CPAMD8: variants seen among roughly 807,000 people sequenced by gnomAD.
CPAMD8 encodes the protein C3 and PZP like alpha-2-macroglobulin domain containing 8, also known as C3 and PZP-like alpha-2-macroglobulin domain-containing protein 8.
In CPAMD8, 146 loss-of-function variants were observed where a neutral mutation model predicts 224.7. The ratio of observed to expected loss-of-function variants is 0.65; its 90% CI spans 0.57 to 0.75. CPAMD8 has a LOEUF of 0.75. Ranked by LOEUF, CPAMD8 falls within the 30% of genes least tolerant of loss-of-function variation. The pLI is 0.00. For synonymous variants in CPAMD8, 966 were observed against 1,044.6 expected (o/e 0.92, Z 1.45); for missense variants, 2,301 against 2,537.5 (o/e 0.91, Z 2.00).
Position 17,022,101 on chromosome 19 carries a change from C to T in CPAMD8, c.173G>A (p.Arg58Lys), listed in dbSNP as rs147345591. 20 of 1,605,648 alleles carry T rather than the reference C, an allele frequency of 1.2e-5. No individual in the cohort carries two copies. In the South Asian group the frequency reaches 2.1e-4, roughly 17 times the overall value. ...VISVTIFNSP[R>K]EVTVQAQLVA... is the part of the protein sequence containing the mutation. ...CAGCTGAGCCTGGACCGTGACTTCC[C>T]TTGGAGAGTTAAAGATGGTCACGCT... The change falls in exon 2 of 42, where the codon AGG (arginine) becomes AAG (lysine). Residue 58 changes from arginine (R) to lysine (K), a missense_variant. Physicochemically the swap from Arg to Lys is conservative, Grantham distance 26 (BLOSUM62 2). This residue lies in a region of CPAMD8 where 283 missense variants were observed against 340.6 expected (regional missense o/e 0.83). Transcript: ENST00000443236.
chr19:16,931,650 A>C, intron 23 of CPAMD8, among the ~76,000 whole-genome samples: 1 of 152,124 alleles, frequency 6.6e-6, no homozygotes, highest in Non-Finnish European at 1.5e-5. Flanking sequence ...TGGACCCACT[A>C]ACACTGGTAC....
chr19:16,996,691 T>C (rs2056133624), intron 11 of CPAMD8, among the ~76,000 whole-genome samples: 1 of 151,902 alleles, frequency 6.6e-6, no homozygotes, highest in African/African-American at 2.4e-5. Flanking sequence ...TGGTAGTATG[T>C]TCCTGTAATC....
chr19:16,951,464 T>A (rs1289754513), intron 20 of CPAMD8, among the ~76,000 whole-genome samples: 1 of 152,200 alleles, frequency 6.6e-6, no homozygotes, highest in Admixed American at 6.5e-5. Context: ...AACACAGCCA[T>A]ATCTATTCAG....
chr19:16,907,203 G>A (rs1478230786), intron 29 of CPAMD8, 86 bp from the exon 30 acceptor site: 52 of 1,420,022 alleles, frequency 3.7e-5, no homozygotes, highest in Non-Finnish European at 4.3e-5. Flanking sequence ...CATCCCCGAG[G>A]AGAGCTCTGG....
rs2054037961 is a variant in CPAMD8, at chr19:16,945,460, C to A, written c.2793+89G>T. 6.5e-6 allele frequency: 10 copies of A among 1,539,592 alleles called. 1 individual carries two copies. Among genetic ancestry groups the A allele is most frequent in the Middle Eastern group, 3.5e-4 (2 of 5,718 alleles). ...GAAGGCTGCCCAGGCCCTGGCTCAG[C>A]CTCAGACCACACACTCCAGCTGGGC... On this transcript the variant is annotated intron_variant, in intron 22 of 41. Transcript: ENST00000443236.
At chr19:16,901,122 G>T in intron 36 of CPAMD8, 88 bp downstream of exon 36, 1 of 807,698 alleles carries the variant, frequency 1.2e-6, no homozygotes, top group South Asian at 1.6e-5. Context: ...CAAAGGTCTG[G>T]ACTGCCAGCC....
intron 23 of CPAMD8, among the ~76,000 whole-genome samples, chr19:16,930,286 T>A (rs1337452981): frequency 1.3e-5 from 2 of 150,384 alleles, no homozygotes; most frequent in Admixed American, 6.6e-5. Flanking sequence ...AGAACACAAC[T>A]GGAAAACTCA....
rs892712646 is a variant in CPAMD8, at chr19:16,976,574, G to C, written c.1759-423C>G. ...ATGCACCCCCTGCCCACCAAGGAGA[G>C]TGGGTCTTTGCCAGCTCAGCTGGGA... On this transcript the variant is annotated intron_variant, in intron 15 of 41. Coordinates refer to ENST00000443236, the MANE Select transcript of CPAMD8 (RefSeq NM_015692.5). Among the ~76,000 whole-genome samples, 6 of 152,052 alleles carry C rather than the reference G, an allele frequency of 3.9e-5. No homozygotes were observed. The East Asian group carries it at 5.8e-4, about 15-fold the overall frequency.
chr19:16,952,795 A>G (rs2054339163), intron 19 of CPAMD8, among the ~76,000 whole-genome samples: 1 of 152,218 alleles, frequency 6.6e-6, no homozygotes, highest in South Asian at 2.1e-4. Flanking sequence ...AAACTACCCA[A>G]AGTGATCTAT....
At chr19:17,023,857 C>G (rs897799137) in intron 1 of CPAMD8, among the ~76,000 whole-genome samples, 6 of 152,186 alleles carry the variant, frequency 3.9e-5, no homozygotes, top group African/African-American at 1.4e-4. Context: ...GCTGGGATTA[C>G]AGGCCCACTG....
intron 15 of CPAMD8, among the ~76,000 whole-genome samples, chr19:16,977,043 A>AAAT (rs375274619): frequency 3.3e-5 from 5 of 151,990 alleles, no homozygotes; most frequent in Admixed American, 1.3e-4. Context: ...CTCCGTCTCA[A>AAAT]AATAATAATA....
rs372159148 is a variant in CPAMD8, at chr19:16,902,695, C to T, written c.4639G>A (p.Asp1547Asn). ...ACCTTGTATTCCTGGTGATGCTGAT[C>T]GGCCGCTGGGTCATCATCGTCAGCT... ...PPADDDDPAADQHHQEYKVML... is the reference protein window; with the variant it reads ...PPADDDDPAANQHHQEYKVML... Residue 1547 changes from aspartate (D) to asparagine (N), a missense_variant, in exon 35 of 42, where the codon GAT becomes AAT. Physicochemically the swap from Asp to Asn is conservative, Grantham distance 23. Transcript: ENST00000443236. The T allele has an allele frequency of 2.8e-5, 45 of 1,606,058 alleles. 2 individuals carry two copies. The highest frequency in any genetic ancestry group is 4.1e-4 in the Middle Eastern group (2 of 4,926).
intron 20 of CPAMD8, among the ~76,000 whole-genome samples, chr19:16,949,303 C>T (rs1025703443): frequency 6.6e-6 from 1 of 152,138 alleles, no homozygotes; most frequent in African/African-American, 2.4e-5. Flanking sequence ...CAGAGCCAAG[C>T]CGGACATCTG....
chr19:17,008,692 T>G (rs780091446), intron 6 of CPAMD8, 133 bp from the exon 7 acceptor site: 1 of 1,010,294 alleles, frequency 9.9e-7, no homozygotes, highest in Non-Finnish European at 1.6e-6. Flanking sequence ...GATTAATCAT[T>G]AACCCCGGGG....
chr19:16,995,458 G>T (rs1011208819), intron 11 of CPAMD8, among the ~76,000 whole-genome samples: 1 of 152,204 alleles, frequency 6.6e-6, no homozygotes, highest in Non-Finnish European at 1.5e-5. Flanking sequence ...CTGGAGTGCA[G>T]TGGTGTGATC....
At chr19:16,929,339 G>T in intron 23 of CPAMD8, 99 bp from the exon 24 acceptor site, 1 of 938,948 alleles carries the variant, frequency 1.1e-6, no homozygotes, top group Non-Finnish European at 1.6e-6. Flanking sequence ...CACAAGGAGT[G>T]GGTCTCACTG....
intron 27 of CPAMD8, among the ~76,000 whole-genome samples, chr19:16,919,137 A>T (rs2053073420): frequency 6.6e-6 from 1 of 151,824 alleles, no homozygotes; most frequent in Non-Finnish European, 1.5e-5. Flanking sequence ...CAGGAGGTGG[A>T]GGTTGCAGTG....
Position 16,897,987 on chromosome 19 carries a change from C to T in CPAMD8, c.4856G>A (p.Ser1619Asn). The change falls in exon 38 of 42, where the codon AGC becomes AAC. Residue 1619 changes from serine to asparagine, a missense_variant. Physicochemically the swap from Ser to Asn is conservative, Grantham distance 46. Transcript: ENST00000443236. ...GAACCGCACGCACGTCAGGCACCGG[C>T]TGGGGATCTGTGGGGCAGCGGCGGG... ...RVLFYFDEIPSRCLTCVRFRA... is the reference protein window; with the variant it reads ...RVLFYFDEIPNRCLTCVRFRA... 6.2e-7 allele frequency: 1 copy of T among 1,609,968 alleles called. No individual in the cohort carries two copies. The highest frequency in any genetic ancestry group is 8.5e-7 in the Non-Finnish European group (1 of 1,178,936).
At chr19:17,021,788 C>T (rs1364386314) in intron 2 of CPAMD8, among the ~76,000 whole-genome samples, 2 of 152,354 alleles carry the variant, frequency 1.3e-5, no homozygotes, top group South Asian at 2.1e-4. Flanking sequence ...CAGATCTGCA[C>T]CCACAGAACC....
Sources: gnomAD v4.1 joint callset for allele counts (sites outside exome capture counted in the v4.1 genomes callset) on GRCh38, gnomAD v4.1.1 for gene constraint, gnomAD v4.1.1 regional missense constraint, MANE v1.5 for transcripts, NCBI Gene and HGNC (gene_info 2026-07-23, HGNC 2026-07-21) for gene names.